KCNMA1: variants seen among roughly 807,000 people sequenced by gnomAD.
KCNMA1 encodes the protein Calcium-activated potassium channel subunit alpha-1.
KCNMA1 carries 29 observed loss-of-function variants against 140.0 expected under a neutral mutation model. The ratio of observed to expected loss-of-function variants is 0.21; its 90% CI spans 0.15 to 0.28. The LOEUF is 0.28. Among genes scored for constraint, KCNMA1 ranks in the 10% least tolerant of loss-of-function variants. The pLI, the probability that KCNMA1 is intolerant of heterozygous loss-of-function variation, is 1.00. For synonymous variants in KCNMA1, 612 were observed against 611.9 expected, an observed-to-expected ratio of 1.00 and a Z score of 0.00; for missense variants, 880 against 1,602.2, an observed-to-expected ratio of 0.55 and a Z score of 7.70.
At chr10:77,454,849 G>A (rs976317831) in intron 1 of KCNMA1, among the ~76,000 whole-genome samples, 13 of 152,084 alleles carry the variant, frequency 8.5e-5, no homozygotes, top group Admixed American at 3.3e-4. Flanking sequence ...ATCCAAAAAT[G>A]GGCCCAAGTA....
chr10:77,190,524 T>A (rs1339685972), intron 3 of KCNMA1, among the ~76,000 whole-genome samples: 1 of 152,156 alleles, frequency 6.6e-6, no homozygotes, highest in Non-Finnish European at 1.5e-5. Context: ...TAAGACATAG[T>A]GTCTGCTATC....
At chr10:77,552,591 A>T (rs2063126149) in intron 1 of KCNMA1, among the ~76,000 whole-genome samples, 1 of 152,172 alleles carries the variant, frequency 6.6e-6, no homozygotes, top group African/African-American at 2.4e-5. Flanking sequence ...TCCCCTTTGG[A>T]CATTTGGAAT....
intron 5 of KCNMA1, among the ~76,000 whole-genome samples, chr10:77,123,215 A>AAAAAT (rs2097662227): frequency 2.9e-5 from 4 of 138,634 alleles, no homozygotes; most frequent in Non-Finnish European, 4.6e-5. Flanking sequence ...AAAAAAAAAA[A>AAAAAT]GTGTTAAACA....
At chr10:77,151,375 G>C (rs1207373574) in intron 5 of KCNMA1, among the ~76,000 whole-genome samples, 11 of 151,664 alleles carry the variant, frequency 7.3e-5, no homozygotes, top group African/African-American at 2.4e-4. Context: ...ACTCAGGTGA[G>C]AGTCACCAGG....
intron 14 of KCNMA1, among the ~76,000 whole-genome samples, chr10:77,067,744 C>T (rs555924532): frequency 1.3e-5 from 2 of 152,176 alleles, no homozygotes; most frequent in African/African-American, 2.4e-5. Flanking sequence ...GTGGCCTCTG[C>T]TTTTGCAGAG....
At chr10:77,394,045 CATAG>C (rs1428774701) in intron 2 of KCNMA1, among the ~76,000 whole-genome samples, 8 of 152,320 alleles carry the variant, frequency 5.3e-5, no homozygotes, top group Non-Finnish European at 2.9e-5. Flanking sequence ...GATGAATGGA[CATAG>C]ATGGATGGGC....
chr10:77,152,135 A>G (rs1381374912), intron 5 of KCNMA1, among the ~76,000 whole-genome samples: 7 of 152,192 alleles, frequency 4.6e-5, no homozygotes, highest in Admixed American at 4.6e-4. Context: ...TCATCTTGTC[A>G]TCTCAGCATT....
chr10:77,146,701 C>CAAAAAAAAAAAAAAA (rs5786266), intron 5 of KCNMA1, among the ~76,000 whole-genome samples: 3 of 64,190 alleles, frequency 4.7e-5, no homozygotes, highest in Non-Finnish European at 7.8e-5. Flanking sequence ...GACTTCATCT[C>CAAAAAAAAAAAAAAA]AAAAAAAAAA....
chr10:77,501,208 C>T (rs945730633), intron 1 of KCNMA1, among the ~76,000 whole-genome samples: 1 of 152,240 alleles, frequency 6.6e-6, no homozygotes, highest in African/African-American at 2.4e-5. Flanking sequence ...AAGAATAGTG[C>T]CTCCTCTTGG....
At chr10:77,454,925 C>T (rs909144089) in intron 1 of KCNMA1, among the ~76,000 whole-genome samples, 2 of 152,110 alleles carry the variant, frequency 1.3e-5, no homozygotes, top group African/African-American at 2.4e-5. Context: ...CTGTCTGCAC[C>T]ATTGATCTTT....
chr10:77,567,499 T>C (rs953765655), intron 1 of KCNMA1, among the ~76,000 whole-genome samples: 8 of 152,210 alleles, frequency 5.3e-5, no homozygotes, highest in Non-Finnish European at 8.8e-5. Context: ...CCTTTGTTCA[T>C]CTCAGGAGCT....
chr10:77,274,244 C>T (rs1516513), intron 2 of KCNMA1, among the ~76,000 whole-genome samples: 33,099 of 152,008 alleles, frequency 0.22, 3,988 homozygotes, highest in East Asian at 0.49. Context: ...GCTTAACCCA[C>T]AGGCAGAATT....
At chr10:77,322,039 T>G (rs2082493463) in intron 2 of KCNMA1, among the ~76,000 whole-genome samples, 1 of 152,220 alleles carries the variant, frequency 6.6e-6, no homozygotes, top group South Asian at 2.1e-4. Flanking sequence ...TTGGGTCTGG[T>G]GACTCTCCAA....
chr10:77,297,499 C>T (rs1019572351), intron 2 of KCNMA1, among the ~76,000 whole-genome samples: 26 of 152,190 alleles, frequency 1.7e-4, no homozygotes, highest in Admixed American at 1.2e-3. Flanking sequence ...GGTTGTCATG[C>T]ATGGTCCATG....
intron 17 of KCNMA1, among the ~76,000 whole-genome samples, chr10:77,014,943 C>T (rs1364429501): frequency 6.6e-6 from 1 of 152,200 alleles, no homozygotes; most frequent in Non-Finnish European, 1.5e-5. Context: ...GGAAAGAAAA[C>T]ATGCTGACCT....
chr10:77,502,320 T>C (rs1037575780), intron 1 of KCNMA1, among the ~76,000 whole-genome samples: 1 of 152,170 alleles, frequency 6.6e-6, no homozygotes, highest in African/African-American at 2.4e-5. Flanking sequence ...CAGTTAAATA[T>C]GCTTAGGAAG....
intron 14 of KCNMA1, among the ~76,000 whole-genome samples, chr10:77,058,591 A>T (rs943136479): frequency 7.2e-5 from 11 of 152,292 alleles, no homozygotes; most frequent in African/African-American, 2.6e-4. Flanking sequence ...CAGACTACAA[A>T]TCAATAATAG....
At chr10:77,057,862 AC>A (rs2095598176) in intron 14 of KCNMA1, among the ~76,000 whole-genome samples, 3 of 151,904 alleles carry the variant, frequency 2.0e-5, no homozygotes, top group African/African-American at 7.2e-5. Flanking sequence ...CAAAACTGAA[AC>A]AGGAAACAAA....
chr10:77,402,726 T>C (rs925752792), intron 2 of KCNMA1, among the ~76,000 whole-genome samples: 8 of 152,188 alleles, frequency 5.3e-5, no homozygotes, highest in African/African-American at 1.9e-4. Flanking sequence ...ACTGAGTTTT[T>C]GCTGTGAGAC....
Sources: allele counts gnomAD v4.1 joint callset (sites outside exome capture counted in the v4.1 genomes callset), GRCh38; gene constraint gnomAD v4.1.1; transcripts MANE v1.5; gene names NCBI Gene and HGNC (gene_info 2026-07-23, HGNC 2026-07-21).